Variants in GOT1 observed in about 807,000 individuals in gnomAD.
The protein encoded by GOT1 is glutamic-oxaloacetic transaminase 1, also known as aspartate aminotransferase, cytoplasmic.
GOT1 carries 25 observed loss-of-function variants against 48.2 expected under a neutral mutation model. That is an observed-to-expected ratio of 0.52 (90% confidence interval 0.38 to 0.72). GOT1 has a LOEUF of 0.72. Ranked by LOEUF, GOT1 falls within the 30% of genes least tolerant of loss-of-function variation. The pLI is 0.00. For missense variants in GOT1, 380 were observed against 520.1 expected (o/e 0.73, Z 2.62); for synonymous variants, 188 against 193.8 (o/e 0.97, Z 0.25).
In GOT1 at chr10:99,405,808, G is replaced by C. The variant is rs1158818671; in HGVS notation, c.590C>G (p.Thr197Ser). The C allele has an allele frequency of 6.2e-7, 1 of 1,612,338 alleles. No individual in the cohort carries two copies. The highest frequency in any genetic ancestry group is 1.1e-5 in the South Asian group (1 of 91,046). ...VVLHACAHNP[T>S]GIDPTPEQWK... ...CTGCTCCGGAGTTGGGTCAATCCCA[G>C]TTGGGTTGTGTGCACAGGCGTGGAG... Residue 197 changes from threonine to serine, a missense_variant, in exon 5 of 9, where the codon ACT (threonine) becomes AGT (serine). Physicochemically the swap from Thr to Ser is moderately conservative, Grantham distance 58. Coordinates refer to ENST00000370508, the MANE Select transcript of GOT1 (RefSeq NM_002079.3).
intron 5 of GOT1, 40 bp from the exon 6 acceptor site, chr10:99,403,914 T>C: frequency 6.2e-7 from 1 of 1,608,306 alleles, no homozygotes; most frequent in South Asian, 1.1e-5. Flanking sequence ...GAAATCCTTC[T>C]GGCACCAACC....
intron 1 of GOT1, among the ~76,000 whole-genome samples, chr10:99,428,863 C>A (rs1480000488): frequency 6.6e-6 from 1 of 152,172 alleles, no homozygotes; most frequent in Admixed American, 6.5e-5. Context: ...CCTCAATGGG[C>A]CAAACTATGT....
rs2032710021 is a variant in GOT1, at chr10:99,403,409, T to G, written c.959+60A>C. ...AAGGAAGAGACCCAGTTAAATGTAC[T>G]GGGACAATTACTGTTCTGCACTCCC... On this transcript the variant is annotated intron_variant, in intron 7 of 8. Coordinates refer to ENST00000370508, the MANE Select transcript of GOT1 (RefSeq NM_002079.3). 52 of 1,350,190 alleles carry G rather than the reference T, an allele frequency of 3.9e-5. No homozygotes were observed. In the South Asian group the frequency reaches 6.7e-4, roughly 17 times the overall value. The allele number at this position is 1,350,190 out of a possible 1,614,324, so 83.6% of individuals were successfully genotyped here.
Position 99,406,179 on chromosome 10 carries a change from CT to C in GOT1, c.494del (p.Glu165GlyfsTer11). ...AGCCCTGGAGGTCCAATCCTCTCTT[CT>C]CTGCATCCCAGTAGCGATAGGACCG... is the stretch of plus-strand genomic sequence containing the variant. The part of the protein sequence containing the change: ...DIRSYRYWDA[E>X]KRGLDLQGFL... On this transcript the variant is annotated frameshift_variant, in exon 4 of 9. Transcript: ENST00000370508. LOFTEE classifies it high-confidence loss of function. The C allele has an allele frequency of 6.2e-7, 1 of 1,613,846 alleles. No homozygotes were observed.
intron 1 of GOT1, among the ~76,000 whole-genome samples, chr10:99,421,253 T>C (rs991966363): frequency 6.6e-6 from 1 of 152,232 alleles, no homozygotes; most frequent in Non-Finnish European, 1.5e-5. Context: ...AGAAAAAGCC[T>C]AGGTGCTACT....
At chr10:99,405,276 A>G (rs2032739791) in intron 5 of GOT1, among the ~76,000 whole-genome samples, 1 of 152,138 alleles carries the variant, frequency 6.6e-6, no homozygotes, top group African/African-American at 2.4e-5. Context: ...AATAAAAGGA[A>G]ATTTTGTTAC....
Position 99,402,588 on chromosome 10 carries a change from C to T in GOT1, c.1094G>A (p.Gly365Glu), listed in dbSNP as rs749141128. ...TDQIGMFSFT[G>E]LNPKQVEYLV... ...TGGTGGGGGCCACTTACGGTTCAAC[C>T]CAGTGAAGCTGAACATGCCAATTTG... is the stretch of plus-strand genomic sequence containing the variant. The change falls in exon 8 of 9, where the codon GGG becomes GAG. Residue 365 changes from glycine (G) to glutamate (E), a missense_variant. Physicochemically the swap from Gly to Glu is moderately conservative, Grantham distance 98. Coordinates refer to ENST00000370508, the MANE Select transcript of GOT1 (RefSeq NM_002079.3). 2 of 1,614,202 alleles carry T rather than the reference C, an allele frequency of 1.2e-6. No homozygotes were observed. The highest frequency in any genetic ancestry group is 2.2e-5 in the South Asian group (2 of 91,078).
intron 1 of GOT1, chr10:99,430,226 T>C (rs1249254957): frequency 3.0e-6 from 4 of 1,340,042 alleles, no homozygotes; most frequent in Non-Finnish European, 2.0e-6. Flanking sequence ...CTACACCTGG[T>C]TTGTGCGGCC....
intron 2 of GOT1, among the ~76,000 whole-genome samples, chr10:99,417,272 T>C (rs970066597): frequency 3.9e-5 from 6 of 152,254 alleles, no homozygotes; most frequent in East Asian, 1.9e-4. Flanking sequence ...GGGCGAAGGA[T>C]ATGAACAGAC....
chr10:99,405,729 T>A (rs2032746815), intron 5 of GOT1, 27 bp downstream of exon 5: 1 of 1,033,824 alleles, frequency 9.7e-7, no homozygotes, highest in Non-Finnish European at 1.5e-6. Flanking sequence ...TACTATTTTT[T>A]AAGAGATGCT....
chr10:99,429,041 C>T (rs2033077003), intron 1 of GOT1, among the ~76,000 whole-genome samples: 1 of 151,964 alleles, frequency 6.6e-6, no homozygotes, highest in South Asian at 2.1e-4. Context: ...TCCCCATACT[C>T]CTTAGTGAAG....
At chr10:99,424,759 A>G (rs2033017183) in intron 1 of GOT1, among the ~76,000 whole-genome samples, 1 of 152,114 alleles carries the variant, frequency 6.6e-6, no homozygotes, top group African/African-American at 2.4e-5. Flanking sequence ...TGGCCAATTT[A>G]CAACTCCCCT....
intron 1 of GOT1, among the ~76,000 whole-genome samples, chr10:99,428,148 G>C (rs2033065066): frequency 1.3e-5 from 2 of 152,142 alleles, no homozygotes; most frequent in South Asian, 4.1e-4. Flanking sequence ...TTCTTGAACT[G>C]AAAATTTTTA....
At chr10:99,401,915 C>T (rs893651011) in intron 8 of GOT1, among the ~76,000 whole-genome samples, 1 of 151,818 alleles carries the variant, frequency 6.6e-6, no homozygotes, top group Non-Finnish European at 1.5e-5. Context: ...TCAAGTGATT[C>T]TCCTGCCTCA....
At chr10:99,416,975 C>A (rs2032903484) in intron 2 of GOT1, among the ~76,000 whole-genome samples, 2 of 152,026 alleles carry the variant, frequency 1.3e-5, no homozygotes, top group South Asian at 4.2e-4. Flanking sequence ...CCATAAAAAC[C>A]CTAGAAGAAA....
Position 99,397,544 on chromosome 10 carries a change from T to C in GOT1, c.*3A>G. 6.2e-7 allele frequency: 1 copy of C among 1,613,822 alleles called. No homozygotes were observed. The highest frequency in any genetic ancestry group is 8.5e-7 in the Non-Finnish European group (1 of 1,179,996). ...TTGGTGGTACTGGACGGGTGGTGTT[T>C]CTTCACTGGATTTTGGTGACTGCTT... On this transcript the variant is annotated 3_prime_UTR_variant, in exon 9 of 9. Transcript: ENST00000370508. This position sits in a 1 kb window ranked among gnomAD's most constrained non-coding sequence, Gnocchi z 5.4.
chr10:99,418,546 G>A (rs1360382065), intron 2 of GOT1, among the ~76,000 whole-genome samples: 1 of 145,860 alleles, frequency 6.9e-6, no homozygotes, highest in East Asian at 2.0e-4. Context: ...CTGTTGCCCA[G>A]GCTGGAATGC....
intron 2 of GOT1, among the ~76,000 whole-genome samples, chr10:99,412,224 G>A (rs1447152757): frequency 6.6e-6 from 1 of 151,576 alleles, no homozygotes; most frequent in Non-Finnish European, 1.5e-5. Context: ...GGAGTGAGGG[G>A]AAATCAGCAA....
chr10:99,425,634 A>G (rs185047783), intron 1 of GOT1, among the ~76,000 whole-genome samples: 8 of 152,306 alleles, frequency 5.3e-5, no homozygotes, highest in Admixed American at 4.6e-4. Flanking sequence ...CTATTGACCA[A>G]ATAAAAAGAC....
Sources: gnomAD v4.1 joint callset for allele counts (sites outside exome capture counted in the v4.1 genomes callset) on GRCh38, gnomAD v4.1.1 for gene constraint, Gnocchi (gnomAD v3.1) non-coding constraint, MANE v1.5 for transcripts, NCBI Gene and HGNC (gene_info 2026-07-23, HGNC 2026-07-21) for gene names.